SNTN: variants seen among roughly 807,000 people sequenced by gnomAD.
SNTN encodes the protein sentan, cilia apical structure protein.
A neutral mutation model predicts 12.3 loss-of-function variants in SNTN; 13 were observed. The observed-to-expected ratio is 1.05, with a 90% CI of 0.69 to 1.67. The LOEUF (loss-of-function observed/expected upper bound fraction) is 1.67. Among genes scored for constraint, SNTN ranks in the 40% most tolerant of loss-of-function variants. The pLI, the probability that SNTN is intolerant of heterozygous loss-of-function variation, is 0.00. For synonymous variants in SNTN, 69 were observed against 58.5 expected (o/e 1.18, Z -0.82); for missense variants, 189 against 169.8 (o/e 1.11, Z -0.63).
At position 63,664,897 on chromosome 3, in the gene SNTN, C is replaced by T. The variant is rs1480024165; in HGVS notation, c.*802C>T. The stretch of plus-strand genomic sequence containing the variant: ...CCTCCTGAGTAGCTGGGATTACAGG[C>T]GTGTGCCACGATGCCAGGCTAATTT... On this transcript the variant is annotated 3_prime_UTR_variant, in exon 4 of 4. Coordinates refer to ENST00000343837, the MANE Select transcript of SNTN (RefSeq NM_001080537.2). Among the ~76,000 whole-genome samples, 1 of 152,096 alleles carries T rather than the reference C, an allele frequency of 6.6e-6. No homozygotes were observed. The highest frequency in any genetic ancestry group is 2.4e-5 in the African/African-American group (1 of 41,424).
Position 63,665,021 on chromosome 3 carries a change from G to A in SNTN, c.*926G>A, listed in dbSNP as rs1034520628. 2.6e-5 allele frequency among the ~76,000 whole-genome samples: 4 copies of A among 152,146 alleles called. No individual in the cohort carries two copies. The highest frequency in any genetic ancestry group is 7.2e-5 in the African/African-American group (3 of 41,432). On this transcript the variant is annotated 3_prime_UTR_variant, in exon 4 of 4. Coordinates refer to ENST00000343837, the MANE Select transcript of SNTN (RefSeq NM_001080537.2). ...TCCGCCCACAGCCTCCCAAAGTGCTGGGATTACAGGCTTGAGCCACCAAGT... is the reference window on the plus strand; with the variant it reads ...TCCGCCCACAGCCTCCCAAAGTGCTAGGATTACAGGCTTGAGCCACCAAGT...
intron 3 of SNTN, among the ~76,000 whole-genome samples, chr3:63,661,891 A>G (rs1274143879): frequency 6.6e-6 from 1 of 152,178 alleles, no homozygotes; most frequent in East Asian, 1.9e-4. Flanking sequence ...TGAAGAACTA[A>G]TGGATGCACC....
rs559950775 is a variant in SNTN, at chr3:63,660,982, T to A, written c.285+1118T>A. On this transcript the variant is annotated intron_variant, in intron 3 of 3. Coordinates refer to ENST00000343837, the MANE Select transcript of SNTN (RefSeq NM_001080537.2). ...CCATATTTAGTATTTTTCCCACAAC[T>A]GCCTATAGCCTGTGTTGCTTAGAAC... 1.1e-4 allele frequency among the ~76,000 whole-genome samples: 17 copies of A among 152,366 alleles called. No individual in the cohort carries two copies. In the South Asian group the frequency reaches 2.7e-3, roughly 24 times the overall value.
chr3:63,656,295 A>G (rs1700679132), intron 2 of SNTN, among the ~76,000 whole-genome samples: 1 of 152,218 alleles, frequency 6.6e-6, no homozygotes, highest in African/African-American at 2.4e-5. Flanking sequence ...ACACATGTAT[A>G]GTGAAGCCTA....
At chr3:63,660,012 C>T in intron 3 of SNTN, 148 bp downstream of exon 3, 1 of 891,770 alleles carries the variant, frequency 1.1e-6, no homozygotes, top group Non-Finnish European at 1.7e-6. Flanking sequence ...CAGTGAGCTG[C>T]ACTGGAGTTG....
chr3:63,658,387 C>T (rs1034984364), intron 2 of SNTN, among the ~76,000 whole-genome samples: 1 of 136,742 alleles, frequency 7.3e-6, no homozygotes, highest in African/African-American at 2.8e-5. Context: ...TTGCCTCATA[C>T]ATCACAAGTT....
At chr3:63,662,920 C>T (rs1575751848) in intron 3 of SNTN, among the ~76,000 whole-genome samples, 1 of 152,110 alleles carries the variant, frequency 6.6e-6, no homozygotes, top group East Asian at 1.9e-4. Flanking sequence ...AAAGTCTCTC[C>T]ATTTATATAC....
chr3:63,659,625 T>C (rs991580780), intron 2 of SNTN, 100 bp from the exon 3 acceptor site: 1 of 1,414,032 alleles, frequency 7.1e-7, no homozygotes, highest in Non-Finnish European at 9.7e-7. Flanking sequence ...GGCCAAGATT[T>C]AGAAGGTTCC....
chr3:63,654,876 C>A, intron 2 of SNTN, 80 bp downstream of exon 2: 1 of 1,271,106 alleles, frequency 7.9e-7, no homozygotes, highest in South Asian at 1.3e-5. Flanking sequence ...AATAATAGGA[C>A]ATCAAAGAAT....
At chr3:63,661,306 A>G (rs1387442637) in intron 3 of SNTN, among the ~76,000 whole-genome samples, 1 of 152,228 alleles carries the variant, frequency 6.6e-6, no homozygotes, top group African/African-American at 2.4e-5. Context: ...AAGAAAGCAC[A>G]TAGAGGCAGT....
chr3:63,652,849 T>A, intron 1 of SNTN, 52 bp downstream of exon 1: 1 of 1,550,148 alleles, frequency 6.5e-7, no homozygotes, highest in African/African-American at 1.4e-5. Context: ...CTTGCAGATA[T>A]ATTTCCAAAG....
rs749901859 is a variant in SNTN at position 63,659,765 on chromosome 3, C to T, written c.186C>T (p.Thr62=). Residue 62 remains threonine (T), a synonymous_variant, in exon 3 of 4, where the codon ACC becomes ACT. Transcript: ENST00000343837. ...CAGATCTGGAAAAAGCTATTGCCAC[C>T]ACTGCTCTGATTTTCAGAAATTCTT... The part of the protein sequence containing the change: ...KCSDLEKAIA[T]TALIFRNSSD... The T allele has an allele frequency of 1.9e-6, 3 of 1,613,996 alleles. No individual in the cohort carries two copies. Among genetic ancestry groups the T allele is most frequent in the East Asian group, 4.5e-5 (2 of 44,862 alleles).
At chr3:63,654,040 G>A (rs1416253324) in intron 1 of SNTN, among the ~76,000 whole-genome samples, 2 of 152,150 alleles carry the variant, frequency 1.3e-5, no homozygotes, top group East Asian at 3.9e-4. Context: ...TTAGGCTCAG[G>A]CAGAGTGCCA....
At chr3:63,654,692 C>G in intron 1 of SNTN, 70 bp from the exon 2 acceptor site, 1 of 1,312,126 alleles carries the variant, frequency 7.6e-7, no homozygotes, top group Admixed American at 1.9e-5. Flanking sequence ...CATTATATTG[C>G]TCTGCTATAG....
rs1050924165 is a variant in SNTN, at chr3:63,664,919, AT to A, written c.*832del. On this transcript the variant is annotated 3_prime_UTR_variant, in exon 4 of 4. Coordinates refer to ENST00000343837, the MANE Select transcript of SNTN (RefSeq NM_001080537.2). ...AGGCGTGTGCCACGATGCCAGGCTAATTTTTTTTGTATTTTTAGTGGAGACG... is the reference window on the plus strand; with the variant it reads ...AGGCGTGTGCCACGATGCCAGGCTAATTTTTTTGTATTTTTAGTGGAGACG... Among the ~76,000 whole-genome samples, 2 of 151,666 alleles carry A rather than the reference AT, an allele frequency of 1.3e-5. No homozygotes were observed. Among genetic ancestry groups the A allele is most frequent in the African/African-American group, 4.8e-5 (2 of 41,292 alleles).
intron 3 of SNTN, among the ~76,000 whole-genome samples, chr3:63,660,348 C>A (rs560805572): frequency 6.6e-6 from 1 of 152,040 alleles, no homozygotes; most frequent in East Asian, 1.9e-4. Context: ...CCAAATCTTA[C>A]AGAAGCATAG....
At chr3:63,658,893 G>A (rs1355734877) in intron 2 of SNTN, among the ~76,000 whole-genome samples, 1 of 152,104 alleles carries the variant, frequency 6.6e-6, no homozygotes, top group African/African-American at 2.4e-5. Context: ...GCATTTATTA[G>A]CACCTACAAT....
chr3:63,655,197 A>C (rs2106938523), intron 2 of SNTN, among the ~76,000 whole-genome samples: 1 of 152,320 alleles, frequency 6.6e-6, no homozygotes, highest in Non-Finnish European at 1.5e-5. Flanking sequence ...ACTGAGTGGA[A>C]ACAGTGTGGC....
intron 3 of SNTN, among the ~76,000 whole-genome samples, chr3:63,662,860 T>A (rs1267830049): frequency 6.6e-6 from 1 of 152,216 alleles, no homozygotes; most frequent in Non-Finnish European, 1.5e-5. Flanking sequence ...GACTTTAACA[T>A]TTTTATTGTC....
Sources: allele counts gnomAD v4.1 joint callset (sites outside exome capture counted in the v4.1 genomes callset), GRCh38; gene constraint gnomAD v4.1.1; transcripts MANE v1.5; gene names NCBI Gene and HGNC (gene_info 2026-07-23, HGNC 2026-07-21).